PTBP2: variants seen among roughly 807,000 people sequenced by gnomAD.
PTBP2 encodes the protein polypyrimidine tract-binding protein 2.
A neutral mutation model predicts 61.4 loss-of-function variants in PTBP2; 13 were observed. The observed-to-expected ratio is 0.21, with a 90% CI of 0.14 to 0.34. PTBP2 has a LOEUF of 0.34. Among genes scored for constraint, PTBP2 ranks in the 10% least tolerant of loss-of-function variants. The pLI is 1.00. For synonymous variants in PTBP2, 215 were observed against 218.5 expected, an observed-to-expected ratio of 0.98 and a Z score of 0.14; for missense variants, 405 against 642.6, an observed-to-expected ratio of 0.63 and a Z score of 4.00.
chr1:96,782,386 T>G (rs1658775695), intron 7 of PTBP2, among the ~76,000 whole-genome samples: 1 of 152,042 alleles, frequency 6.6e-6, no homozygotes, highest in African/African-American at 2.4e-5. Flanking sequence ...GAGTACACAT[T>G]GCTTTATGCA....
At chr1:96,722,310 G>A (rs999587965) in intron 1 of PTBP2, among the ~76,000 whole-genome samples, 6 of 152,108 alleles carry the variant, frequency 3.9e-5, no homozygotes, top group African/African-American at 1.4e-4. Flanking sequence ...AGCCTCTAGG[G>A]GAAGAGGAGA....
intron 8 of PTBP2, among the ~76,000 whole-genome samples, chr1:96,804,069 A>C (rs1162260571): frequency 6.6e-6 from 1 of 152,198 alleles, no homozygotes; most frequent in East Asian, 1.9e-4. Context: ...AAGACTGGAA[A>C]TTAGAACAAT....
chr1:96,762,921 C>T lies in PTBP2; in HGVS notation c.116-6782C>T, dbSNP rs868530630. On this transcript the variant is annotated intron_variant, in intron 3 of 13. Coordinates refer to ENST00000674951, the MANE Select transcript of PTBP2 (RefSeq NM_021190.4). ...AGACGGGGTCGCGGCCGGGTAGAGG[C>T]GCTCCTCACATCCCAGACGGGGCGG... 3.5e-4 allele frequency among the ~76,000 whole-genome samples: 53 copies of T among 151,522 alleles called. 1 individual carries two copies. The highest frequency in any genetic ancestry group is 1.3e-3 in the South Asian group (6 of 4,782).
intron 5 of PTBP2, among the ~76,000 whole-genome samples, chr1:96,776,207 A>G (rs1658019800): frequency 6.6e-6 from 1 of 152,028 alleles, no homozygotes; most frequent in African/African-American, 2.4e-5. Context: ...TAAATACAGT[A>G]AGAACATGTT....
chr1:96,817,434 ATTCT>A (rs1160338865), downstream of PTBP2: 3 of 152,194 alleles, frequency 2.0e-5, no homozygotes, highest in East Asian at 3.9e-4. Flanking sequence ...TTTTATAGTT[ATTCT>A]TTGTTATTTT....
At chr1:96,752,691 C>T (rs986379536) in intron 3 of PTBP2, among the ~76,000 whole-genome samples, 1 of 151,786 alleles carries the variant, frequency 6.6e-6, no homozygotes, top group Non-Finnish European at 1.5e-5. Flanking sequence ...ATACTGTGAT[C>T]GATAATGGGA....
chr1:96,736,478 G>C (rs1370786239), intron 2 of PTBP2, among the ~76,000 whole-genome samples: 3 of 152,060 alleles, frequency 2.0e-5, no homozygotes, highest in Admixed American at 1.3e-4. Context: ...AGTTACAGTA[G>C]CTACTAGTCA....
intron 11 of PTBP2, 150 bp from the exon 12 acceptor site, chr1:96,812,562 A>G (rs1662188829): frequency 3.0e-6 from 2 of 666,344 alleles, no homozygotes; most frequent in South Asian, 4.1e-5. Flanking sequence ...ATGAAAATGT[A>G]CTTAAGTCTT....
chr1:96,810,720 A>G (rs1319135771), intron 11 of PTBP2, among the ~76,000 whole-genome samples: 3 of 152,136 alleles, frequency 2.0e-5, no homozygotes, highest in African/African-American at 7.2e-5. Flanking sequence ...TTATTTCTCA[A>G]ACTCACACTT....
chr1:96,788,658 T>C (rs1164838182), intron 8 of PTBP2, among the ~76,000 whole-genome samples: 3 of 152,020 alleles, frequency 2.0e-5, no homozygotes, highest in African/African-American at 2.4e-5. Context: ...AGAACACAAA[T>C]ATAAGGTGAT....
chr1:96,733,380 A>G (rs1651714372), intron 2 of PTBP2, among the ~76,000 whole-genome samples: 1 of 152,186 alleles, frequency 6.6e-6, no homozygotes, highest in Non-Finnish European at 1.5e-5. Flanking sequence ...GTTTTAACCT[A>G]TTCTCAAGAA....
chr1:96,761,797 G>A (rs1655911834), intron 3 of PTBP2, among the ~76,000 whole-genome samples: 1 of 151,780 alleles, frequency 6.6e-6, no homozygotes, highest in Admixed American at 6.6e-5. Flanking sequence ...AGGGGGATTT[G>A]GCAGGGTCAT....
intron 2 of PTBP2, among the ~76,000 whole-genome samples, chr1:96,750,085 G>T (rs1226183039): frequency 1.3e-5 from 2 of 151,882 alleles, no homozygotes; most frequent in African/African-American, 4.8e-5. Flanking sequence ...TAAACCTGGG[G>T]TTTTTAGATC....
chr1:96,805,040 A>G (rs1661370314), intron 9 of PTBP2, 101 bp downstream of exon 9: 1 of 906,352 alleles, frequency 1.1e-6, no homozygotes, highest in Non-Finnish European at 1.6e-6. Context: ...TTTTATGTAC[A>G]TTCATTAGTC....
intron 3 of PTBP2, among the ~76,000 whole-genome samples, chr1:96,761,114 A>G (rs1393595209): frequency 2.6e-5 from 4 of 152,218 alleles, no homozygotes; most frequent in African/African-American, 9.6e-5. Flanking sequence ...TTTTGTTTAG[A>G]AACCAGAATG....
chr1:96,789,498 G>A (rs1659560706), intron 8 of PTBP2, among the ~76,000 whole-genome samples: 1 of 152,040 alleles, frequency 6.6e-6, no homozygotes. Context: ...GAGAATTACT[G>A]CTACAGAAAA....
intron 2 of PTBP2, among the ~76,000 whole-genome samples, chr1:96,744,084 G>A (rs1024276380): frequency 2.1e-4 from 32 of 151,438 alleles, no homozygotes; most frequent in African/African-American, 7.5e-4. Context: ...CCAGCTACTC[G>A]GGAGGCTGAG....
intron 2 of PTBP2, among the ~76,000 whole-genome samples, chr1:96,747,049 T>C (rs1003574897): frequency 3.3e-5 from 5 of 151,562 alleles, no homozygotes; most frequent in Non-Finnish European, 7.4e-5. Context: ...GAGAGTGAGC[T>C]CAGTACCCAA....
chr1:96,723,678 C>G, intron 2 of PTBP2, 84 bp downstream of exon 2: 1 of 1,259,958 alleles, frequency 7.9e-7, no homozygotes, highest in Non-Finnish European at 1.1e-6. Context: ...CTTTTGAAAA[C>G]TATAACGTAG....
Sources: allele counts gnomAD v4.1 joint callset (sites outside exome capture counted in the v4.1 genomes callset), GRCh38; gene constraint gnomAD v4.1.1; transcripts MANE v1.5; gene names NCBI Gene and HGNC (gene_info 2026-07-23, HGNC 2026-07-21).